SYN2: variants seen among roughly 807,000 people sequenced by gnomAD.
SYN2 encodes synapsin-2.
A neutral mutation model predicts 50.9 loss-of-function variants in SYN2; 19 were observed. The ratio of observed to expected loss-of-function variants is 0.37; its 90% CI spans 0.26 to 0.55. The LOEUF (loss-of-function observed/expected upper bound fraction) is 0.55, where lower values mean the gene tolerates loss of function less well. SYN2 is among the 20% of genes least tolerant of loss of function. The pLI is 0.81. For synonymous variants in SYN2, 255 were observed against 224.9 expected, an observed-to-expected ratio of 1.13 and a Z score of -1.20; for missense variants, 587 against 576.4, an observed-to-expected ratio of 1.02 and a Z score of -0.19.
intron 1 of SYN2, among the ~76,000 whole-genome samples, chr3:12,036,117 G>T (rs1184153707): frequency 6.6e-6 from 1 of 152,104 alleles, no homozygotes; most frequent in Non-Finnish European, 1.5e-5. Flanking sequence ...TGCTTGGAGT[G>T]GGGCCCAGCA....
intron 1 of SYN2, among the ~76,000 whole-genome samples, chr3:12,122,782 A>G (rs571560187): frequency 3.3e-5 from 5 of 152,248 alleles, no homozygotes; most frequent in African/African-American, 9.6e-5. Context: ...GAAAACATAA[A>G]CCCTCTTAAG....
chr3:12,034,692 A>G (rs2125144709), intron 1 of SYN2, among the ~76,000 whole-genome samples: 1 of 152,218 alleles, frequency 6.6e-6, no homozygotes, highest in East Asian at 1.9e-4. Flanking sequence ...TGCAGCAACT[A>G]ACTCACTCCC....
At chr3:12,005,211 C>A (rs567674449) in intron 1 of SYN2, among the ~76,000 whole-genome samples, 5 of 152,180 alleles carry the variant, frequency 3.3e-5, no homozygotes, top group Admixed American at 3.3e-4. Context: ...ACAGGAAAGG[C>A]CCTTAGGAAA....
At chr3:12,117,811 A>G (rs1163830203) in intron 1 of SYN2, among the ~76,000 whole-genome samples, 1 of 152,192 alleles carries the variant, frequency 6.6e-6, no homozygotes, top group Non-Finnish European at 1.5e-5. Context: ...TCTTCCCCAT[A>G]GACAGGAGTC....
intron 1 of SYN2, among the ~76,000 whole-genome samples, chr3:12,026,410 A>T (rs947046409): frequency 6.6e-6 from 1 of 152,132 alleles, no homozygotes; most frequent in African/African-American, 2.4e-5. Context: ...AACCTTTAAA[A>T]AAATATATAT....
chr3:12,015,586 G>T (rs1300090245), intron 1 of SYN2, among the ~76,000 whole-genome samples: 1 of 152,190 alleles, frequency 6.6e-6, no homozygotes, highest in East Asian at 1.9e-4. Context: ...AAAGTGTAAA[G>T]TGCTATAGAA....
intron 1 of SYN2, among the ~76,000 whole-genome samples, chr3:12,042,613 C>A (rs977881492): frequency 2.0e-5 from 3 of 152,144 alleles, no homozygotes; most frequent in Admixed American, 2.0e-4. Flanking sequence ...GAATAGTGTT[C>A]CTTTCTGCCT....
intron 1 of SYN2, among the ~76,000 whole-genome samples, chr3:12,028,021 T>TTCCTCCC (rs1694301252): frequency 6.4e-5 from 4 of 62,042 alleles, no homozygotes; most frequent in Non-Finnish European, 9.0e-5. Flanking sequence ...ATTTTTTCTT[T>TTCCTCCC]CCCTCCCCCC....
Position 12,169,820 on chromosome 3 carries a change from G to GAACT in SYN2, c.1224_1227dup (p.Val410ThrfsTer33), listed in dbSNP as rs1307421619. On this transcript the variant is annotated frameshift_variant, in exon 10 of 13. Coordinates refer to ENST00000621198, the MANE Select transcript of SYN2 (RefSeq NM_133625.6). LOFTEE classifies it high-confidence loss of function. Reference sequence around the variant, plus strand: ...GGTGGAGGACAGGCAACTCATCACCGAACTAGTCATCAGCAAGATGAACCA... The same window carrying GAACT: ...GGTGGAGGACAGGCAACTCATCACCGAACTAACTAGTCATCAGCAAGATGAACCA... The GAACT allele has an allele frequency of 6.2e-7, 1 of 1,613,736 alleles. No individual in the cohort carries two copies. The highest frequency in any genetic ancestry group is 8.5e-7 in the Non-Finnish European group (1 of 1,179,868).
intron 1 of SYN2, among the ~76,000 whole-genome samples, chr3:12,096,280 G>T (rs144336008): frequency 1.1e-3 from 168 of 152,262 alleles, no homozygotes; most frequent in Non-Finnish European, 2.1e-3. Flanking sequence ...TCCTAAAAAT[G>T]TAAACTTGAT....
At chr3:12,156,855 A>G in intron 5 of SYN2, 1 of 1,614,220 alleles carries the variant, frequency 6.2e-7, no homozygotes, top group Non-Finnish European at 8.5e-7. Context: ...GTTGGCTTCT[A>G]GTTTCACACC....
chr3:12,097,232 C>T (rs890169762), intron 1 of SYN2, among the ~76,000 whole-genome samples: 9 of 152,238 alleles, frequency 5.9e-5, no homozygotes, highest in East Asian at 5.8e-4. Context: ...ATGTTTATTG[C>T]GGCACTATTC....
At chr3:12,047,090 T>C (rs1694756619) in intron 1 of SYN2, among the ~76,000 whole-genome samples, 1 of 152,168 alleles carries the variant, frequency 6.6e-6, no homozygotes, top group Non-Finnish European at 1.5e-5. Flanking sequence ...TATTTCATTG[T>C]ATATATTAAT....
chr3:12,104,924 G>A (rs1696153560), intron 1 of SYN2, among the ~76,000 whole-genome samples: 1 of 152,160 alleles, frequency 6.6e-6, no homozygotes, highest in South Asian at 2.1e-4. Context: ...GGGAAGAGAT[G>A]GTGGTGATTA....
chr3:12,045,651 A>G (rs919817707), intron 1 of SYN2, among the ~76,000 whole-genome samples: 6 of 152,160 alleles, frequency 3.9e-5, no homozygotes, highest in Non-Finnish European at 8.8e-5. Flanking sequence ...TTGCATTCCC[A>G]TAGTCCTTTG....
At chr3:12,094,897 T>C (rs1431383485) in intron 1 of SYN2, among the ~76,000 whole-genome samples, 1 of 152,166 alleles carries the variant, frequency 6.6e-6, no homozygotes, top group Non-Finnish European at 1.5e-5. Flanking sequence ...TTGAGTTTAA[T>C]TATATGTTGA....
intron 1 of SYN2, among the ~76,000 whole-genome samples, chr3:12,093,591 G>C (rs1053637887): frequency 6.6e-6 from 1 of 152,250 alleles, no homozygotes; most frequent in East Asian, 1.9e-4. Context: ...AACTTCAGCT[G>C]TAACAAGGAA....
chr3:12,019,851 C>T (rs916045449), intron 1 of SYN2, among the ~76,000 whole-genome samples: 2 of 152,090 alleles, frequency 1.3e-5, no homozygotes, highest in Non-Finnish European at 2.9e-5. Context: ...GTTATAACAC[C>T]GAAATAAAGC....
At chr3:12,140,528 C>G (rs4488811) in intron 1 of SYN2, 123 bp from the exon 2 acceptor site, 5 of 702,988 alleles carry the variant, frequency 7.1e-6, no homozygotes, top group Non-Finnish European at 1.3e-5. Flanking sequence ...TGGATCAGAA[C>G]CCAGGTCTCT....
Sources: gnomAD v4.1 joint callset for allele counts (sites outside exome capture counted in the v4.1 genomes callset) on GRCh38, gnomAD v4.1.1 for gene constraint, MANE v1.5 for transcripts, NCBI Gene and HGNC (gene_info 2026-07-23, HGNC 2026-07-21) for gene names.